Variants in STPG2 observed in about 807,000 individuals in gnomAD.
STPG2 encodes sperm tail PG-rich repeat containing 2, also known as sperm-tail PG-rich repeat-containing protein 2.
STPG2 carries 56 observed loss-of-function variants against 54.2 expected under a neutral mutation model. That is an observed-to-expected ratio of 1.03 (90% confidence interval 0.83 to 1.29). The LOEUF is 1.29. STPG2 is among the 50% of genes most tolerant of loss of function. The pLI is 0.00. For synonymous variants in STPG2, 200 were observed against 181.8 expected, an observed-to-expected ratio of 1.10 and a Z score of -0.81; for missense variants, 596 against 544.9, an observed-to-expected ratio of 1.09 and a Z score of -0.93.
intron 5 of STPG2, among the ~76,000 whole-genome samples, chr4:97,995,891 T>C (rs954076695): frequency 4.6e-5 from 7 of 152,050 alleles, no homozygotes; most frequent in African/African-American, 1.7e-4. Flanking sequence ...GGCAGATTTC[T>C]TTCTCTACAA....
At chr4:97,524,486 C>T (rs1291357878) in intron 4 of STPG2, among the ~76,000 whole-genome samples, 2 of 151,846 alleles carry the variant, frequency 1.3e-5, no homozygotes, top group Non-Finnish European at 2.9e-5. Flanking sequence ...CAGACAGCTG[C>T]TTGTTTCATT....
chr4:97,807,642 A>C (rs1727611673), intron 9 of STPG2, among the ~76,000 whole-genome samples: 1 of 152,036 alleles, frequency 6.6e-6, no homozygotes. Flanking sequence ...AAGGATAGAA[A>C]ATGAAAAAGT....
chr4:97,812,467 A>G (rs936386578), intron 9 of STPG2, among the ~76,000 whole-genome samples: 11 of 152,180 alleles, frequency 7.2e-5, no homozygotes, highest in Non-Finnish European at 1.0e-4. Flanking sequence ...AAGTAATTTT[A>G]ATTCAGTATA....
At chr4:97,901,720 T>C (rs1470126743) in intron 8 of STPG2, among the ~76,000 whole-genome samples, 1 of 151,856 alleles carries the variant, frequency 6.6e-6, no homozygotes, top group Non-Finnish European at 1.5e-5. Context: ...TGTAAAGAAT[T>C]AATACTGTCA....
chr4:97,735,793 A>G (rs1724967518), intron 9 of STPG2, among the ~76,000 whole-genome samples: 2 of 152,066 alleles, frequency 1.3e-5, no homozygotes, highest in South Asian at 4.2e-4. Flanking sequence ...AACCTTATAT[A>G]TAGACACAGG....
chr4:97,566,824 C>T (rs374309475), intron 10 of STPG2, among the ~76,000 whole-genome samples: 3,004 of 144,066 alleles, frequency 0.021, 92 homozygotes, highest in African/African-American at 0.076. Context: ...TAGGTAGGAA[C>T]TGAACAATGA....
intron 9 of STPG2, among the ~76,000 whole-genome samples, chr4:97,799,831 A>G (rs1047988177): frequency 6.6e-6 from 1 of 152,142 alleles, no homozygotes; most frequent in Non-Finnish European, 1.5e-5. Flanking sequence ...AGTCAGACAT[A>G]GATTTGGTCT....
intron 5 of STPG2, among the ~76,000 whole-genome samples, chr4:98,060,639 G>A (rs1578822084): frequency 6.6e-6 from 1 of 152,148 alleles, no homozygotes; most frequent in Admixed American, 6.5e-5. Flanking sequence ...CAAAGCTGGA[G>A]GCAACACACT....
At chr4:97,829,959 T>G (rs535163484) in intron 9 of STPG2, among the ~76,000 whole-genome samples, 40 of 152,268 alleles carry the variant, frequency 2.6e-4, no homozygotes, top group African/African-American at 9.6e-4. Context: ...TTCAGGATAT[T>G]ATCCAGGATA....
At chr4:97,948,656 T>C (rs1204717244) in intron 7 of STPG2, among the ~76,000 whole-genome samples, 1 of 152,132 alleles carries the variant, frequency 6.6e-6, no homozygotes, top group South Asian at 2.1e-4. Flanking sequence ...TCCAACTTGA[T>C]TTCATTTTTA....
At chr4:97,965,902 G>T (rs896291347) in intron 7 of STPG2, among the ~76,000 whole-genome samples, 1 of 152,182 alleles carries the variant, frequency 6.6e-6, no homozygotes, top group African/African-American at 2.4e-5. Flanking sequence ...AAACCACAAA[G>T]ATGGGGAGAA....
chr4:97,777,522 C>A (rs748268442), intron 9 of STPG2, among the ~76,000 whole-genome samples: 1 of 152,174 alleles, frequency 6.6e-6, no homozygotes, highest in African/African-American at 2.4e-5. Flanking sequence ...ACAAGATTTT[C>A]CCAGCCATGT....
intron 9 of STPG2, among the ~76,000 whole-genome samples, chr4:97,832,777 A>G (rs967341415): frequency 6.6e-6 from 1 of 152,206 alleles, no homozygotes. Flanking sequence ...GAAAGAGAAT[A>G]AAATATCTAG....
intron 5 of STPG2, among the ~76,000 whole-genome samples, chr4:98,069,377 A>G (rs562997713): frequency 6.6e-6 from 1 of 151,990 alleles, no homozygotes; most frequent in South Asian, 2.1e-4. Flanking sequence ...CTATATTTTA[A>G]TTTTTGTATA....
rs1722749950 is a variant in STPG2 at position 97,673,290 on chromosome 4, T to C, written c.1320+39409A>G. On this transcript the variant is annotated intron_variant, in intron 10 of 10. Coordinates refer to ENST00000295268, the MANE Select transcript of STPG2 (RefSeq NM_174952.3). ...AAAGTAGGTATTCCACAACAAACATTTTTGTCATCTATAGAGAATATTTAT... is the reference window on the plus strand; with the variant it reads ...AAAGTAGGTATTCCACAACAAACATCTTTGTCATCTATAGAGAATATTTAT... Among the ~76,000 whole-genome samples, 5 of 152,186 alleles carry C rather than the reference T, an allele frequency of 3.3e-5. 1 individual carries two copies. The highest frequency in any genetic ancestry group is 3.3e-4 in the Admixed American group (5 of 15,282).
chr4:97,808,337 A>G (rs1727634406), intron 9 of STPG2, among the ~76,000 whole-genome samples: 1 of 152,020 alleles, frequency 6.6e-6, no homozygotes, highest in Non-Finnish European at 1.5e-5. Flanking sequence ...AACGATAAAC[A>G]AAATTAAAAT....
chr4:98,106,938 A>G (rs1041223002), intron 4 of STPG2, among the ~76,000 whole-genome samples: 1 of 152,164 alleles, frequency 6.6e-6, no homozygotes, highest in Non-Finnish European at 1.5e-5. Flanking sequence ...AAACTATACC[A>G]AACATATGCA....
chr4:97,617,597 A>AT (rs1733908157), intron 10 of STPG2, among the ~76,000 whole-genome samples: 1 of 152,122 alleles, frequency 6.6e-6, no homozygotes, highest in Admixed American at 6.6e-5. Context: ...GAACCAAAAT[A>AT]TTTTTTGCAC....
chr4:97,658,286 C>A (rs545587147), intron 10 of STPG2, among the ~76,000 whole-genome samples: 2 of 152,280 alleles, frequency 1.3e-5, no homozygotes, highest in South Asian at 2.1e-4. Flanking sequence ...TAAATTTCAG[C>A]CATTGTCCTC....
Sources: allele counts gnomAD v4.1 joint callset (sites outside exome capture counted in the v4.1 genomes callset), GRCh38; gene constraint gnomAD v4.1.1; transcripts MANE v1.5; gene names NCBI Gene and HGNC (gene_info 2026-07-23, HGNC 2026-07-21).